Variants in EIF4G1 observed in about 807,000 individuals in gnomAD.
The protein encoded by EIF4G1 is EIF4-gamma.
In EIF4G1, 4 loss-of-function variants were observed where a neutral mutation model predicts 187.8. The ratio of observed to expected loss-of-function variants is 0.02; its 90% CI spans 0.01 to 0.05. EIF4G1 has a LOEUF of 0.05. Ranked by LOEUF, EIF4G1 falls within the 10% of genes least tolerant of loss-of-function variation. EIF4G1 has a pLI of 1.00. For missense variants in EIF4G1, 1,647 were observed against 2,081.1 expected, an observed-to-expected ratio of 0.79 and a Z score of 4.06; for synonymous variants, 844 against 781.4, an observed-to-expected ratio of 1.08 and a Z score of -1.34.
rs758913160 is a variant in EIF4G1, at chr3:184,328,638, G to A, written c.3961G>A (p.Glu1321Lys). ...STAQYYQGLY[E>K]ILELAEDMEI... ...TTTGAATTCCCTTGGCAGGTTGTATGAAATCTTGGAATTGGCTGAGGACAT... is the reference window on the plus strand; with the variant it reads ...TTTGAATTCCCTTGGCAGGTTGTATAAAATCTTGGAATTGGCTGAGGACAT... The change falls in exon 27 of 33, where the codon GAA (glutamate) becomes AAA (lysine). Residue 1321 changes from glutamate (E) to lysine (K), a missense_variant. Transcript: ENST00000346169. 7.2e-5 allele frequency: 117 copies of A among 1,614,076 alleles called. No individual in the cohort carries two copies. Among genetic ancestry groups the A allele is most frequent in the Non-Finnish European group, 9.7e-5 (115 of 1,180,048 alleles).
In EIF4G1 at chr3:184,327,438, G is replaced by A. The variant is rs1234131391; in HGVS notation, c.3651G>A (p.Gly1217=). The A allele has an allele frequency of 3.1e-6, 5 of 1,613,588 alleles. No homozygotes were observed. Among genetic ancestry groups the A allele is most frequent in the Non-Finnish European group, 3.4e-6 (4 of 1,179,908 alleles). Residue 1217 remains glycine, a synonymous_variant, in exon 24 of 33, where the codon GGG becomes GGA. Transcript: ENST00000346169. ...GCCTCACGGAGGATCGGGACCGTGG[G>A]CGGGATGCCGGTGAGAGTCTGGGAG... is the stretch of plus-strand genomic sequence containing the variant. ...AASLTEDRDR[G]RDAVKREAAL...
In EIF4G1 at chr3:184,327,867, CCTT is replaced by C; in HGVS notation, c.3819_3821del (p.Leu1275del). 2 of 1,614,030 alleles carry C rather than the reference CCTT, an allele frequency of 1.2e-6. No individual in the cohort carries two copies. The highest frequency in any genetic ancestry group is 1.7e-6 in the Non-Finnish European group (2 of 1,180,028). Reference sequence around the variant, plus strand: ...TGCGTGCAGGAGCTGGCCTCACCCTCCTTGCTCTTCATCTTTGTACGGCATGGT... The same window carrying C: ...TGCGTGCAGGAGCTGGCCTCACCCTCGCTCTTCATCTTTGTACGGCATGGT... On this transcript the variant is annotated inframe_deletion, in exon 26 of 33. Transcript: ENST00000346169.
At chr3:184,324,387 C>A (rs768610381) in intron 17 of EIF4G1, 40 bp downstream of exon 17, 1 of 1,613,744 alleles carries the variant, frequency 6.2e-7, no homozygotes, top group Non-Finnish European at 8.5e-7. Context: ...CACCACTTAC[C>A]TCCTTCCCTT....
At position 184,321,375 on chromosome 3, in the gene EIF4G1, C is replaced by G; in HGVS notation, c.791C>G (p.Pro264Arg). ...GAATCCCAGCCTTCGTCGCCTTCTC[C>G]GACCCCATCACCATCCCCAGTCTTG... The part of the protein sequence containing the change: ...PSESQPSSPS[P>R]TPSPSPVLEP... Residue 264 changes from proline to arginine, a missense_variant, in exon 10 of 33, where the codon CCG becomes CGG. Pro to Arg is a moderately radical substitution (Grantham distance 103). Coordinates refer to ENST00000346169, the MANE Select transcript of EIF4G1 (RefSeq NM_198241.3). 1 of 1,614,144 alleles carries G rather than the reference C, an allele frequency of 6.2e-7. No homozygotes were observed. Among genetic ancestry groups the G allele is most frequent in the Non-Finnish European group, 8.5e-7 (1 of 1,180,030 alleles).
intron 6 of EIF4G1, 31 bp from the exon 7 acceptor site, chr3:184,319,658 C>T: frequency 1.0e-5 from 14 of 1,383,890 alleles, no homozygotes; most frequent in Non-Finnish European, 1.2e-5. Flanking sequence ...CTGACGCTAC[C>T]ACCATTCTTC....
In EIF4G1 at chr3:184,317,350, G is replaced by T. The variant is rs1560207133; in HGVS notation, c.177G>T (p.Pro59=). The change falls in exon 5 of 33, where the codon CCG becomes CCT. Residue 59 remains proline (P), a synonymous_variant. Coordinates refer to ENST00000346169, the MANE Select transcript of EIF4G1 (RefSeq NM_198241.3). ...TCTACCCTAGCCGGGCCCAGCCCCCGAGCAGTGCAGCCTCCCGAGTGCAGA... is the reference window on the plus strand; with the variant it reads ...TCTACCCTAGCCGGGCCCAGCCCCCTAGCAGTGCAGCCTCCCGAGTGCAGA... ...QHFYPSRAQP[P]SSAASRVQSA... is the part of the protein sequence containing the mutation. 1.2e-6 allele frequency: 2 copies of T among 1,613,856 alleles called. No homozygotes were observed. Among genetic ancestry groups the T allele is most frequent in the African/African-American group, 1.3e-5 (1 of 74,852 alleles).
At chr3:184,330,238 A>G (rs1725783325) in intron 28 of EIF4G1, among the ~76,000 whole-genome samples, 1 of 152,072 alleles carries the variant, frequency 6.6e-6, no homozygotes, top group South Asian at 2.1e-4. Context: ...AATTAGCTGG[A>G]CATGGTGGTG....
chr3:184,321,488 C>G lies in EIF4G1; in HGVS notation c.904C>G (p.Pro302Ala). The G allele has an allele frequency of 6.2e-7, 1 of 1,614,172 alleles. No homozygotes were observed. The highest frequency in any genetic ancestry group is 2.2e-5 in the East Asian group (1 of 44,882). Reference sequence around the variant, plus strand: ...ACAAATGTCTGTAGAAGAATCAACCCCCATCTCCCGTGAAACTGGGGAGCC... The same window carrying G: ...ACAAATGTCTGTAGAAGAATCAACCGCCATCTCCCGTGAAACTGGGGAGCC... ...TIQMSVEESTPISRETGEPYR... is the reference protein window; with the variant it reads ...TIQMSVEESTAISRETGEPYR... The change falls in exon 10 of 33, where the codon CCC becomes GCC. Residue 302 changes from proline (P) to alanine (A), a missense_variant. Pro to Ala is a conservative substitution (Grantham distance 27). Transcript: ENST00000346169.
Position 184,323,151 on chromosome 3 carries a change from C to G in EIF4G1, c.1998C>G (p.Phe666Leu). 1 of 1,614,238 alleles carries G rather than the reference C, an allele frequency of 6.2e-7. No homozygotes were observed. Among genetic ancestry groups the G allele is most frequent in the Non-Finnish European group, 8.5e-7 (1 of 1,180,044 alleles). The change falls in exon 14 of 33, where the codon TTC becomes TTG. Residue 666 changes from phenylalanine to leucine, a missense_variant. This residue lies in a region of EIF4G1 where 140 missense variants were observed against 222.2 expected (regional missense o/e 0.63). Coordinates refer to ENST00000346169, the MANE Select transcript of EIF4G1 (RefSeq NM_198241.3). This position sits in a 1 kb window ranked among gnomAD's most constrained non-coding sequence, Gnocchi z 6.9. ...AAGGCATAAATTGTGGCCCAGACTTCACTCCATCCTTTGCCAACCTTGGCC... is the reference window on the plus strand; with the variant it reads ...AAGGCATAAATTGTGGCCCAGACTTGACTCCATCCTTTGCCAACCTTGGCC... ...RLQGINCGPD[F>L]TPSFANLGRT...
Position 184,321,496 on chromosome 3 carries a change from C to G in EIF4G1, c.912C>G (p.Ser304=). Residue 304 remains serine, a synonymous_variant, in exon 10 of 33, where the codon TCC becomes TCG. Transcript: ENST00000346169. The stretch of plus-strand genomic sequence containing the variant: ...CTGTAGAAGAATCAACCCCCATCTC[C>G]CGTGAAACTGGGGAGCCATATCGCC... The part of the protein sequence containing the change: ...QMSVEESTPI[S]RETGEPYRLS... The G allele has an allele frequency of 6.2e-7, 1 of 1,614,202 alleles. No homozygotes were observed. Among genetic ancestry groups the G allele is most frequent in the African/African-American group, 1.3e-5 (1 of 75,050 alleles).
Position 184,328,931 on chromosome 3 carries a change from C to A in EIF4G1, c.4102C>A (p.Pro1368Thr). The A allele has an allele frequency of 6.2e-7, 1 of 1,614,134 alleles. No individual in the cohort carries two copies. The highest frequency in any genetic ancestry group is 1.1e-5 in the South Asian group (1 of 91,084). ...TAGGGAGATTACAAAGCCTCTGAGA[C>A]CGTTGGGCAAAGCTGCTTCCCTGTT... ...LFREITKPLR[P>T]LGKAASLLLE... The change falls in exon 28 of 33, where the codon CCG (proline) becomes ACG (threonine). Residue 1368 changes from proline (P) to threonine (T), a missense_variant. Pro to Thr is a conservative substitution (Grantham distance 38, BLOSUM62 -1). Around this residue, in one of 11 missense-constraint regions of EIF4G1, gnomAD observed 543 missense variants for 638.0 expected, o/e 0.85. Transcript: ENST00000346169.
At position 184,328,766 on chromosome 3, in the gene EIF4G1, C is replaced by T. The variant is rs996549467; in HGVS notation, c.4079+10C>T. 5 of 1,613,936 alleles carry T rather than the reference C, an allele frequency of 3.1e-6. No individual in the cohort carries two copies. The highest frequency in any genetic ancestry group is 4.5e-5 in the East Asian group (2 of 44,888). ...TGGGGGAGCTGTTCAGGTAAGTCCC[C>T]CTGGGTGGAATTCAGGGGAGGTAAA... On this transcript the variant is annotated intron_variant, in intron 27 of 32. Transcript: ENST00000346169.
chr3:184,331,075 C>T (rs1725999022), intron 28 of EIF4G1, among the ~76,000 whole-genome samples, 191 bp from the exon 29 acceptor site: 1 of 147,524 alleles, frequency 6.8e-6, no homozygotes, highest in African/African-American at 2.4e-5. Flanking sequence ...GGTTATTTGA[C>T]TGACATCTGT....
In EIF4G1 at chr3:184,327,845, G is replaced by A. The variant is rs896343202; in HGVS notation, c.3796G>A (p.Val1266Met). Residue 1266 changes from valine (V) to methionine (M), a missense_variant, in exon 26 of 33, where the codon GTG becomes ATG. Coordinates refer to ENST00000346169, the MANE Select transcript of EIF4G1 (RefSeq NM_198241.3). ...LNDMKEAVQC[V>M]QELASPSLLF... ...CACCCCTCAGGAGGCAGTCCAGTGC[G>A]TGCAGGAGCTGGCCTCACCCTCCTT... 8.1e-6 allele frequency: 13 copies of A among 1,613,894 alleles called. No homozygotes were observed. The highest frequency in any genetic ancestry group is 5.3e-5 in the African/African-American group (4 of 74,928).
chr3:184,328,082 C>T, intron 26 of EIF4G1, 80 bp downstream of exon 26: 3 of 1,527,458 alleles, frequency 2.0e-6, no homozygotes, highest in Non-Finnish European at 2.7e-6. Flanking sequence ...TGGAACCTTG[C>T]ATAAGAGTGT....
In EIF4G1 at chr3:184,317,701, C is replaced by T. The variant is rs1295484341; in HGVS notation, c.325-16C>T. Reference sequence around the variant, plus strand: ...CTCCCTCAACTCCTTCTCTCCCTCTCCCCCTTCCCCACCAGGGGCGTTCCA... The same window carrying T: ...CTCCCTCAACTCCTTCTCTCCCTCTTCCCCTTCCCCACCAGGGGCGTTCCA... On this transcript the variant is annotated splice_polypyrimidine_tract_variant and intron_variant, in intron 5 of 32. Transcript: ENST00000346169. The T allele has an allele frequency of 6.2e-7, 1 of 1,608,442 alleles. No individual in the cohort carries two copies. Among genetic ancestry groups the T allele is most frequent in the Non-Finnish European group, 8.5e-7 (1 of 1,174,932 alleles).
At chr3:184,324,097 A>G (rs1724404646) in intron 16 of EIF4G1, 104 bp from the exon 17 acceptor site, 2 of 1,604,222 alleles carry the variant, frequency 1.2e-6, no homozygotes, top group Non-Finnish European at 8.5e-7. Flanking sequence ...GGAAGGAGGC[A>G]GAGCTGGGGC....
In EIF4G1 at chr3:184,315,470, C is replaced by T. The variant is rs778117013; in HGVS notation, c.-91-19C>T. 2.7e-5 allele frequency: 17 copies of T among 620,702 alleles called. No individual in the cohort carries two copies. Among genetic ancestry groups the T allele is most frequent in the Non-Finnish European group, 4.9e-5 (16 of 325,924 alleles). The allele number at this position is 620,702 out of a possible 1,614,324, so 38.4% of individuals were successfully genotyped here. On this transcript the variant is annotated intron_variant, in intron 1 of 32. Transcript: ENST00000346169. ...GGGCCCCGCGGAGCCAGGTTGATAC[C>T]CTCACCTCCCAACCCCAGGCCCTCG...
In EIF4G1 at chr3:184,323,350, T is replaced by C. The variant is rs1322189123; in HGVS notation, c.2089-58T>C. The C allele has an allele frequency of 5.3e-5, 86 of 1,612,234 alleles. No homozygotes were observed. Among genetic ancestry groups the C allele is most frequent in the Middle Eastern group, 1.7e-4 (1 of 6,004 alleles). On this transcript the variant is annotated intron_variant, in intron 14 of 32. Coordinates refer to ENST00000346169, the MANE Select transcript of EIF4G1 (RefSeq NM_198241.3). The surrounding 1 kb of genome is among the most constrained non-coding windows in gnomAD (Gnocchi z 6.9). ...GCCCTGGAGGCGTGTAGTAGTGGTGTCACATATTGTGCTGACTAGTTCCAT... is the reference window on the plus strand; with the variant it reads ...GCCCTGGAGGCGTGTAGTAGTGGTGCCACATATTGTGCTGACTAGTTCCAT...
Sources: gnomAD v4.1 joint callset for allele counts (sites outside exome capture counted in the v4.1 genomes callset) on GRCh38, gnomAD v4.1.1 for gene constraint, gnomAD v4.1.1 regional missense constraint, Gnocchi (gnomAD v3.1) non-coding constraint, MANE v1.5 for transcripts, NCBI Gene and HGNC (gene_info 2026-07-23, HGNC 2026-07-21) for gene names.